GPATCH2L: variants seen among roughly 807,000 people sequenced by gnomAD.
GPATCH2L encodes G-patch domain containing 2 like, also known as G patch domain-containing protein 2-like.
Under a neutral mutation model 57.4 loss-of-function variants are expected in GPATCH2L, and 31 were observed. That is an observed-to-expected ratio of 0.54 (90% CI 0.41 to 0.73). The LOEUF (loss-of-function observed/expected upper bound fraction) is 0.73, where lower values mean the gene tolerates loss of function less well. Ranked by LOEUF, GPATCH2L falls within the 30% of genes least tolerant of loss-of-function variation. The pLI is 0.00. For synonymous variants in GPATCH2L, 199 were observed against 210.7 expected (o/e 0.94, Z 0.48); for missense variants, 481 against 599.9 (o/e 0.80, Z 2.07).
rs1021417752 is a variant in GPATCH2L at position 76,205,945 on chromosome 14, A to G, written c.*4094A>G. The G allele has an allele frequency of 3.3e-5, 5 of 152,604 alleles. No homozygotes were observed. Among genetic ancestry groups the G allele is most frequent in the South Asian group, 2.1e-4 (1 of 4,830 alleles). 9.5% of individuals were successfully genotyped at this position (152,604 alleles called of 1,614,324 possible). On this transcript the variant is annotated 3_prime_UTR_variant, in exon 10 of 10. Coordinates refer to ENST00000261530, the MANE Select transcript of GPATCH2L (RefSeq NM_017926.4). Reference sequence around the variant, plus strand: ...CGTTAGAAGCTGTGTTCAGTGCCCTATATGTCTTGTGAACCTATCTGAGCT... The same window carrying G: ...CGTTAGAAGCTGTGTTCAGTGCCCTGTATGTCTTGTGAACCTATCTGAGCT...
chr14:76,193,339 C>A (rs2040043040), intron 8 of GPATCH2L, among the ~76,000 whole-genome samples: 1 of 151,740 alleles, frequency 6.6e-6, no homozygotes, highest in Non-Finnish European at 1.5e-5. Context: ...ATATATCAAA[C>A]ACGCAAAATG....
chr14:76,168,480 A>G (rs2139635742), intron 3 of GPATCH2L, among the ~76,000 whole-genome samples: 1 of 152,300 alleles, frequency 6.6e-6, no homozygotes, highest in East Asian at 1.9e-4. Context: ...CTGTGGTTCC[A>G]CTGATCTTGC....
chr14:76,228,193 A>G (rs2139873465), intron 1 of GPATCH2L, among the ~76,000 whole-genome samples: 1 of 152,312 alleles, frequency 6.6e-6, no homozygotes, highest in African/African-American at 2.4e-5. Flanking sequence ...AAAAGATAAT[A>G]AAGTGGTATT....
At chr14:76,200,459 G>A (rs1362770596) in intron 9 of GPATCH2L, among the ~76,000 whole-genome samples, 2 of 148,028 alleles carry the variant, frequency 1.4e-5, no homozygotes, top group African/African-American at 2.5e-5. Flanking sequence ...GTGAGTATAT[G>A]TGCCTGAGTT....
downstream of GPATCH2L, among the ~76,000 whole-genome samples, chr14:76,218,548 G>A (rs968128260): frequency 6.6e-5 from 10 of 151,928 alleles, no homozygotes; most frequent in Non-Finnish European, 1.3e-4. Context: ...GATACACCAC[G>A]TTCTCTCATA....
chr14:76,216,125 C>G (rs2040488618), downstream of GPATCH2L, among the ~76,000 whole-genome samples: 1 of 151,280 alleles, frequency 6.6e-6, no homozygotes, highest in Non-Finnish European at 1.5e-5. Flanking sequence ...TGGGGACCCT[C>G]CAAGTGCTAC....
At chr14:76,191,444 G>A (rs1325722147) in intron 8 of GPATCH2L, among the ~76,000 whole-genome samples, 1 of 152,020 alleles carries the variant, frequency 6.6e-6, no homozygotes, top group Non-Finnish European at 1.5e-5. Context: ...ACATGGTAAG[G>A]TTCCCCAAAA....
intron 2 of GPATCH2L, 132 bp from the exon 3 acceptor site, chr14:76,166,531 G>T: frequency 1.8e-6 from 1 of 545,866 alleles, no homozygotes; most frequent in Non-Finnish European, 3.4e-6. Flanking sequence ...GTAGCTTCCT[G>T]ATGAAATTTA....
At chr14:76,199,665 T>C (rs1239350089) in intron 9 of GPATCH2L, among the ~76,000 whole-genome samples, 1 of 151,946 alleles carries the variant, frequency 6.6e-6, no homozygotes, top group African/African-American at 2.4e-5. Context: ...GAACATCAGG[T>C]GTTGGTGCAG....
At chr14:76,193,481 A>G (rs929124042) in intron 8 of GPATCH2L, among the ~76,000 whole-genome samples, 9 of 152,156 alleles carry the variant, frequency 5.9e-5, no homozygotes, top group African/African-American at 1.7e-4. Context: ...GTCTCATGAA[A>G]CTCAGCATAT....
chr14:76,184,067 G>A (rs929962055), intron 8 of GPATCH2L, among the ~76,000 whole-genome samples: 2 of 147,304 alleles, frequency 1.4e-5, no homozygotes, highest in African/African-American at 5.0e-5. Context: ...TGTGTGTGTG[G>A]CGACAATGTT....
intron 2 of GPATCH2L, among the ~76,000 whole-genome samples, chr14:76,233,522 C>T (rs2139887571): frequency 6.6e-6 from 1 of 152,316 alleles, no homozygotes; most frequent in South Asian, 2.1e-4. Context: ...CGCCCATCAT[C>T]CCAGCCCCAC....
At chr14:76,233,020 C>T (rs571259044) in intron 2 of GPATCH2L, among the ~76,000 whole-genome samples, 2 of 152,336 alleles carry the variant, frequency 1.3e-5, no homozygotes, top group African/African-American at 4.8e-5. Flanking sequence ...CAGGACATCC[C>T]AAGGTCCAAA....
At chr14:76,172,086 T>G (rs2039112684) in intron 4 of GPATCH2L, 67 bp downstream of exon 4, 1 of 989,170 alleles carries the variant, frequency 1.0e-6, no homozygotes, top group Non-Finnish European at 1.5e-6. Context: ...AATCACCCCC[T>G]AGCAAGCATA....
At position 76,207,282 on chromosome 14, in the gene GPATCH2L, C is replaced by G. The variant is rs2040389928; in HGVS notation, c.*5431C>G. The G allele has an allele frequency of 6.6e-6, 1 of 151,918 alleles. No homozygotes were observed. The highest frequency in any genetic ancestry group is 1.5e-5 in the Non-Finnish European group (1 of 67,958). 9.4% of individuals were successfully genotyped at this position (151,918 alleles called of 1,614,324 possible). A position where few individuals can be genotyped will look rare whatever the true frequency, so the allele number is the denominator to read the frequency against. On this transcript the variant is annotated 3_prime_UTR_variant, in exon 10 of 10. Coordinates refer to ENST00000261530, the MANE Select transcript of GPATCH2L (RefSeq NM_017926.4). Reference sequence around the variant, plus strand: ...AGTGAGCCATGATCTGGCCACTGCACTCCAGCCTGGGTGACAGAGCAAGAC... The same window carrying G: ...AGTGAGCCATGATCTGGCCACTGCAGTCCAGCCTGGGTGACAGAGCAAGAC...
chr14:76,158,445 C>A (rs1188799519), intron 2 of GPATCH2L, among the ~76,000 whole-genome samples: 1 of 152,166 alleles, frequency 6.6e-6, no homozygotes, highest in Non-Finnish European at 1.5e-5. Context: ...ACTTTAACTC[C>A]CCCAAACTCT....
At chr14:76,197,402 G>T (rs2040188955) in intron 9 of GPATCH2L, among the ~76,000 whole-genome samples, 1 of 152,132 alleles carries the variant, frequency 6.6e-6, no homozygotes, top group Non-Finnish European at 1.5e-5. Flanking sequence ...TAAAATCCTT[G>T]TTCCATTTTC....
chr14:76,234,701 G>A (rs1303395185), intron 2 of GPATCH2L: 1 of 152,394 alleles, frequency 6.6e-6, no homozygotes, highest in Non-Finnish European at 1.5e-5. Context: ...TCTTTCCTCA[G>A]TTGAGCCTCT....
In GPATCH2L at chr14:76,182,579, C is replaced by G. The variant is rs530158801; in HGVS notation, c.1193+1730C>G. On this transcript the variant is annotated intron_variant, in intron 8 of 9. Coordinates refer to ENST00000261530, the MANE Select transcript of GPATCH2L (RefSeq NM_017926.4). ...CTAGCCTGGATGACAGAGTGAGACC[C>G]TGTCTCAAAAAAAAAAAAAAAAAAA... 9.2e-4 allele frequency among the ~76,000 whole-genome samples: 90 copies of G among 98,358 alleles called. 1 individual carries two copies. Among genetic ancestry groups the G allele is most frequent in the African/African-American group, 2.9e-3 (77 of 26,392 alleles). 64.5% of individuals were successfully genotyped at this position (98,358 alleles called of 152,430 possible).
Sources: gnomAD v4.1 joint callset for allele counts (sites outside exome capture counted in the v4.1 genomes callset) on GRCh38, gnomAD v4.1.1 for gene constraint, MANE v1.5 for transcripts, NCBI Gene and HGNC (gene_info 2026-07-23, HGNC 2026-07-21) for gene names.